The following NRIP1 variants were observed in gnomAD, a reference collection of about 807,000 sequenced individuals.
NRIP1 encodes the protein nuclear receptor interacting protein 1.
Under a neutral mutation model 75.0 loss-of-function variants are expected in NRIP1, and 28 were observed. That is an observed-to-expected ratio of 0.37 (90% CI 0.28 to 0.51). NRIP1 has a LOEUF of 0.51. Among genes scored for constraint, NRIP1 ranks in the 20% least tolerant of loss-of-function variants. NRIP1 has a pLI of 0.92. For synonymous variants in NRIP1, 526 were observed against 487.6 expected, an observed-to-expected ratio of 1.08 and a Z score of -1.04; for missense variants, 1,435 against 1,343.7, an observed-to-expected ratio of 1.07 and a Z score of -1.06.
At chr21:15,044,517 C>A (rs1364260207) in intron 1 of NRIP1, among the ~76,000 whole-genome samples, 1 of 151,882 alleles carries the variant, frequency 6.6e-6, no homozygotes, top group African/African-American at 2.4e-5. Context: ...CATGCGAACT[C>A]CCTGATACCA....
chr21:14,966,196 A>G lies in NRIP1; in HGVS notation c.1997T>C (p.Ile666Thr), dbSNP rs751312734. The G allele has an allele frequency of 1.2e-5, 19 of 1,613,676 alleles. No homozygotes were observed. In the South Asian group the frequency reaches 2.1e-4, roughly 18 times the overall value. Reference sequence around the variant, plus strand: ...GAGCAAAGGGCTATTTAATCTATCAATCATACCTATCGGTTTATCTGTGTT... The same window carrying G: ...GAGCAAAGGGCTATTTAATCTATCAGTCATACCTATCGGTTTATCTGTGTT... ...TGNTDKPIGM[I>T]DRLNSPLLSN... The change falls in exon 4 of 4, where the codon ATT becomes ACT. Residue 666 changes from isoleucine (I) to threonine (T), a missense_variant. Transcript: ENST00000318948.
chr21:15,046,415 G>C (rs1262541017), intron 1 of NRIP1, among the ~76,000 whole-genome samples: 1 of 152,072 alleles, frequency 6.6e-6, no homozygotes, highest in African/African-American at 2.4e-5. Context: ...CTGAGCAGTT[G>C]GTCTCAAGAG....
intron 1 of NRIP1, among the ~76,000 whole-genome samples, chr21:15,060,743 T>C (rs534725470): frequency 4.5e-4 from 69 of 152,212 alleles, no homozygotes; most frequent in African/African-American, 1.5e-3. Context: ...ACAACCACTA[T>C]TTATATAATA....
At position 14,967,033 on chromosome 21, in the gene NRIP1, T is replaced by G. The variant is rs753711710; in HGVS notation, c.1160A>C (p.Gln387Pro). Residue 387 changes from glutamine to proline, a missense_variant, in exon 4 of 4, where the codon CAG (glutamine) becomes CCG (proline). Gln to Pro is a moderately conservative substitution (Grantham distance 76). Coordinates refer to ENST00000318948, the MANE Select transcript of NRIP1 (RefSeq NM_003489.4). Reference protein sequence around the residue: ...NSLLLHLLKSQTIPKPMNGHS... With the variant: ...NSLLLHLLKSPTIPKPMNGHS... ...TCCATTCATTGGCTTAGGTATAGTC[T>G]GGCTTTTAAGAAGATGTAAAAGCAA... 1 of 1,614,212 alleles carries G rather than the reference T, an allele frequency of 6.2e-7. No homozygotes were observed. Among genetic ancestry groups the G allele is most frequent in the South Asian group, 1.1e-5 (1 of 91,084 alleles).
At chr21:15,043,905 G>A (rs1315107667) in intron 1 of NRIP1, among the ~76,000 whole-genome samples, 3 of 152,076 alleles carry the variant, frequency 2.0e-5, no homozygotes, top group African/African-American at 7.2e-5. Context: ...TGCAACCTCC[G>A]CCTTCCAGGT....
At chr21:15,054,914 C>G (rs922712711) in intron 1 of NRIP1, among the ~76,000 whole-genome samples, 7 of 152,174 alleles carry the variant, frequency 4.6e-5, no homozygotes. Flanking sequence ...TTGTTAGAGG[C>G]TTGGGGACAG....
At chr21:15,050,849 A>G in intron 1 of NRIP1, 1 of 456,028 alleles carries the variant, frequency 2.2e-6, no homozygotes, top group Non-Finnish European at 4.4e-6. Flanking sequence ...TACCTGACCC[A>G]TACACCCAGG....
chr21:15,029,382 T>A (rs531828269), intron 2 of NRIP1, among the ~76,000 whole-genome samples: 1 of 152,286 alleles, frequency 6.6e-6, no homozygotes, highest in Admixed American at 6.5e-5. Context: ...ACTCAGCCTC[T>A]ACTCAAGTCA....
intron 1 of NRIP1, among the ~76,000 whole-genome samples, chr21:15,045,159 A>T (rs1422706892): frequency 6.6e-6 from 1 of 152,142 alleles, no homozygotes; most frequent in East Asian, 1.9e-4. Context: ...CCAGACAATC[A>T]GCCTGGTTGG....
Position 14,964,418 on chromosome 21 carries a change from T to G in NRIP1, c.*298A>C. On this transcript the variant is annotated 3_prime_UTR_variant, in exon 4 of 4. Coordinates refer to ENST00000318948, the MANE Select transcript of NRIP1 (RefSeq NM_003489.4). ...AATCCACTATGAATGGAGTTTTACATTTTAATTTATGCCTAATATTTATAA... is the reference window on the plus strand; with the variant it reads ...AATCCACTATGAATGGAGTTTTACAGTTTAATTTATGCCTAATATTTATAA... The G allele has an allele frequency of 4.4e-6, 1 of 225,188 alleles. No individual in the cohort carries two copies. Among genetic ancestry groups the G allele is most frequent in the Non-Finnish European group, 8.6e-6 (1 of 115,680 alleles). The allele number at this position is 225,188 out of a possible 1,614,324, so 13.9% of individuals were successfully genotyped here.
intron 1 of NRIP1, among the ~76,000 whole-genome samples, chr21:15,061,309 C>A (rs2089419018): frequency 6.6e-6 from 1 of 152,130 alleles, no homozygotes; most frequent in Non-Finnish European, 1.5e-5. Flanking sequence ...CAGAACAAAA[C>A]CCACTCTGAT....
chr21:15,010,207 A>G (rs2088069892), intron 3 of NRIP1, among the ~76,000 whole-genome samples: 1 of 152,244 alleles, frequency 6.6e-6, no homozygotes, highest in Non-Finnish European at 1.5e-5. Flanking sequence ...TATGCAAACC[A>G]CAGGCCACAT....
At chr21:14,981,689 T>C (rs951484474) in intron 3 of NRIP1, among the ~76,000 whole-genome samples, 1 of 152,202 alleles carries the variant, frequency 6.6e-6, no homozygotes, top group African/African-American at 2.4e-5. Context: ...CTTCCTACTA[T>C]TAGCATCATT....
chr21:14,975,290 T>C (rs2087022823), intron 3 of NRIP1, among the ~76,000 whole-genome samples: 1 of 152,174 alleles, frequency 6.6e-6, no homozygotes, highest in South Asian at 2.1e-4. Context: ...TGAAATATCT[T>C]CGTTTGTCAA....
Position 14,965,064 on chromosome 21 carries a change from C to T in NRIP1, c.3129G>A (p.Lys1043=), listed in dbSNP as rs2086690226. Residue 1043 remains lysine (K), a synonymous_variant, in exon 4 of 4, where the codon AAG becomes AAA. Coordinates refer to ENST00000318948, the MANE Select transcript of NRIP1 (RefSeq NM_003489.4). ...CSMPSEKGPI[K]WVITDAEKNE... is the part of the protein sequence containing the mutation. ...TCTTCTCCGCATCAGTGATAACCCA[C>T]TTAATGGGTCCTTTCTCACTGGGCA... 1 of 1,613,750 alleles carries T rather than the reference C, an allele frequency of 6.2e-7. No individual in the cohort carries two copies. The highest frequency in any genetic ancestry group is 1.1e-5 in the South Asian group (1 of 91,082).
chr21:15,043,704 A>T (rs1057361759), intron 1 of NRIP1, 130 bp from the exon 2 acceptor site: 1 of 152,248 alleles, frequency 6.6e-6, no homozygotes, highest in Non-Finnish European at 1.5e-5. Flanking sequence ...AAGGTAAAAA[A>T]AAGTATTCAT....
At chr21:15,002,053 A>G (rs746254967) in intron 3 of NRIP1, 3 of 152,188 alleles carry the variant, frequency 2.0e-5, no homozygotes, top group Non-Finnish European at 2.9e-5. Context: ...TTGCTCTCAC[A>G]TACTCTCCAT....
At chr21:15,038,698 T>A (rs1031109174) in intron 2 of NRIP1, among the ~76,000 whole-genome samples, 15 of 152,128 alleles carry the variant, frequency 9.9e-5, no homozygotes, top group African/African-American at 2.7e-4. Context: ...CCAAATGTAT[T>A]CTTATGCTTA....
intron 3 of NRIP1, chr21:14,992,661 A>T (rs1282892599): frequency 2.0e-5 from 3 of 152,134 alleles, no homozygotes; most frequent in African/African-American, 7.2e-5. Context: ...TACTCCTAGG[A>T]AGTGACACAA....
Sources: gnomAD v4.1 joint callset for allele counts (sites outside exome capture counted in the v4.1 genomes callset) on GRCh38, gnomAD v4.1.1 for gene constraint, MANE v1.5 for transcripts, NCBI Gene and HGNC (gene_info 2026-07-23, HGNC 2026-07-21) for gene names.